Variants in KIRREL3 observed in about 807,000 individuals in gnomAD.
KIRREL3 encodes kirre like nephrin family adhesion molecule 3, also known as kin of IRRE-like protein 3.
KIRREL3 carries 36 observed loss-of-function variants against 89.7 expected under a neutral mutation model. The ratio of observed to expected loss-of-function variants is 0.40; its 90% confidence interval spans 0.31 to 0.53. The LOEUF (loss-of-function observed/expected upper bound fraction) is 0.53, where lower values mean the gene tolerates loss of function less well. Ranked by LOEUF, KIRREL3 falls within the 20% of genes least tolerant of loss-of-function variation. The pLI is 0.49. For missense variants in KIRREL3, 864 were observed against 1,056.6 expected (o/e 0.82, Z 2.53); for synonymous variants, 445 against 441.4 (o/e 1.01, Z -0.10).
At chr11:126,447,034 T>A in intron 8 of KIRREL3, 148 bp from the exon 9 acceptor site, 1 of 998,374 alleles carries the variant, frequency 1.0e-6, no homozygotes. Context: ...CCATTTTAAG[T>A]CTTATGTCCG....
At chr11:126,617,821 A>G (rs1329675763) in intron 1 of KIRREL3, among the ~76,000 whole-genome samples, 1 of 152,228 alleles carries the variant, frequency 6.6e-6, no homozygotes, top group African/African-American at 2.4e-5. Context: ...CTAAGATTTG[A>G]ACTCAGATCT....
chr11:126,975,175 A>C (rs1257416536), intron 1 of KIRREL3, among the ~76,000 whole-genome samples: 8 of 152,174 alleles, frequency 5.3e-5, no homozygotes, highest in Non-Finnish European at 8.8e-5. Flanking sequence ...ACCAACAGCT[A>C]TGTGGCACCT....
At position 126,710,263 on chromosome 11, in the gene KIRREL3, C is replaced by G. The variant is rs1158412572; in HGVS notation, c.56-147351G>C. On this transcript the variant is annotated intron_variant, in intron 1 of 16. Coordinates refer to ENST00000525144, the MANE Select transcript of KIRREL3 (RefSeq NM_032531.4). The surrounding 1 kb of genome is among the most constrained non-coding windows in gnomAD (Gnocchi z 4.2). ...GGAGCAGTGCCTTGTCTTAGGGGGG[C>G]ATGTTCACTGAACTCATGAGGTCAG... Among the ~76,000 whole-genome samples, 1 of 152,174 alleles carries G rather than the reference C, an allele frequency of 6.6e-6. No individual in the cohort carries two copies. Among genetic ancestry groups the G allele is most frequent in the Non-Finnish European group, 1.5e-5 (1 of 68,038 alleles).
Position 126,719,834 on chromosome 11 carries a change from C to T in KIRREL3, c.56-156922G>A, listed in dbSNP as rs978609235. ...TGCATCTGTTGAGGCTCCTGAGAGA[C>T]GCCCTGCTTCTTCCCTGCTTCAGCC... On this transcript the variant is annotated intron_variant, in intron 1 of 16. Coordinates refer to ENST00000525144, the MANE Select transcript of KIRREL3 (RefSeq NM_032531.4). This position sits in a 1 kb window ranked among gnomAD's most constrained non-coding sequence, Gnocchi z 4.7. 2.6e-5 allele frequency among the ~76,000 whole-genome samples: 4 copies of T among 152,204 alleles called. No homozygotes were observed. Among genetic ancestry groups the T allele is most frequent in the East Asian group, 1.9e-4 (1 of 5,204 alleles).
intron 1 of KIRREL3, among the ~76,000 whole-genome samples, chr11:126,572,202 T>C (rs868539473): frequency 2.2e-4 from 34 of 152,276 alleles, no homozygotes; most frequent in Middle Eastern, 6.8e-3. Flanking sequence ...CTGAAGGCAA[T>C]AAGGAGGCAG....
At chr11:126,863,212 G>C (rs1005669543) in intron 1 of KIRREL3, among the ~76,000 whole-genome samples, 1 of 152,222 alleles carries the variant, frequency 6.6e-6, no homozygotes, top group Non-Finnish European at 1.5e-5. Context: ...TGCTACCTGT[G>C]GGGGAAGACT....
rs181563009 is a variant in KIRREL3 at position 126,515,570 on chromosome 11, G to C, written c.433+5745C>G. Reference sequence around the variant, plus strand: ...GGTGAATCTTGACAGCTGAACACAAGTTAGCCAAGGGAAGAAAGGTAGGAA... The same window carrying C: ...GGTGAATCTTGACAGCTGAACACAACTTAGCCAAGGGAAGAAAGGTAGGAA... On this transcript the variant is annotated intron_variant, in intron 4 of 16. Coordinates refer to ENST00000525144, the MANE Select transcript of KIRREL3 (RefSeq NM_032531.4). This position sits in a 1 kb window ranked among gnomAD's most constrained non-coding sequence, Gnocchi z 4.2. 9.2e-5 allele frequency among the ~76,000 whole-genome samples: 14 copies of C among 152,312 alleles called. No homozygotes were observed. In the East Asian group the frequency reaches 2.7e-3, roughly 29 times the overall value.
At chr11:126,604,064 T>TTATCCTTCCTCCCTCCCTTC (rs1942781132) in intron 1 of KIRREL3, among the ~76,000 whole-genome samples, 1 of 152,202 alleles carries the variant, frequency 6.6e-6, no homozygotes, top group African/African-American at 2.4e-5. Flanking sequence ...TTTCTTCCTT[T>TTATCCTTCCTCCCTCCCTTC]TATCCTTCCT....
intron 1 of KIRREL3, among the ~76,000 whole-genome samples, chr11:126,613,893 T>TA (rs1943239385): frequency 8.4e-6 from 1 of 118,644 alleles, no homozygotes; most frequent in Non-Finnish European, 1.7e-5. Context: ...TTTTTTTTTT[T>TA]ATTTTTTTCC....
In KIRREL3 at chr11:126,578,361, G is replaced by A. The variant is rs1482074782; in HGVS notation, c.56-15449C>T. Among the ~76,000 whole-genome samples, 1 of 152,158 alleles carries A rather than the reference G, an allele frequency of 6.6e-6. No homozygotes were observed. The highest frequency in any genetic ancestry group is 1.5e-5 in the Non-Finnish European group (1 of 68,034). ...ACAAAGAAAGAGGAGGGCAAAATGGGAATTCATTGGAAGAGATCCTTGGTT... is the reference window on the plus strand; with the variant it reads ...ACAAAGAAAGAGGAGGGCAAAATGGAAATTCATTGGAAGAGATCCTTGGTT... On this transcript the variant is annotated intron_variant, in intron 1 of 16. Coordinates refer to ENST00000525144, the MANE Select transcript of KIRREL3 (RefSeq NM_032531.4). The surrounding 1 kb of genome is among the most constrained non-coding windows in gnomAD (Gnocchi z 4.9).
In KIRREL3 at chr11:126,566,424, G is replaced by A. The variant is rs1940524482; in HGVS notation, c.56-3512C>T. Among the ~76,000 whole-genome samples the A allele has an allele frequency of 2.0e-5, 3 of 152,202 alleles. No homozygotes were observed. In the East Asian group the frequency reaches 5.8e-4, roughly 29 times the overall value. On this transcript the variant is annotated intron_variant, in intron 1 of 16. Transcript: ENST00000525144. This position sits in a 1 kb window ranked among gnomAD's most constrained non-coding sequence, Gnocchi z 4.9. ...GCCCGTAGGACCAAGCACAGTGCCT[G>A]ACACATGGTAAGTGCTCAGGAACAG...
At chr11:126,695,433 A>C (rs950796322) in intron 1 of KIRREL3, among the ~76,000 whole-genome samples, 2 of 137,156 alleles carry the variant, frequency 1.5e-5, no homozygotes, top group African/African-American at 5.4e-5. Flanking sequence ...AAAAAAAAAG[A>C]GTCTCTAAGT....
chr11:126,670,798 A>C (rs568983643), intron 1 of KIRREL3, among the ~76,000 whole-genome samples: 2 of 152,350 alleles, frequency 1.3e-5, no homozygotes, highest in South Asian at 4.1e-4. Context: ...TAATCTCAGG[A>C]AGTGATTTTG....
Position 126,704,420 on chromosome 11 carries a change from C to T in KIRREL3, c.56-141508G>A, listed in dbSNP as rs1346651830. On this transcript the variant is annotated intron_variant, in intron 1 of 16. Coordinates refer to ENST00000525144, the MANE Select transcript of KIRREL3 (RefSeq NM_032531.4). This position sits in a 1 kb window ranked among gnomAD's most constrained non-coding sequence, Gnocchi z 4.2. ...TAGCAGAACAGAGGCTTGCAAAAGACTGCAGCAACCAGCCCCAGCTGGCTG... is the reference window on the plus strand; with the variant it reads ...TAGCAGAACAGAGGCTTGCAAAAGATTGCAGCAACCAGCCCCAGCTGGCTG... 6.6e-6 allele frequency among the ~76,000 whole-genome samples: 1 copy of T among 152,316 alleles called. No individual in the cohort carries two copies. Among genetic ancestry groups the T allele is most frequent in the South Asian group, 2.1e-4 (1 of 4,824 alleles).
Position 126,606,316 on chromosome 11 carries a change from C to A in KIRREL3, c.56-43404G>T, listed in dbSNP as rs925764385. Among the ~76,000 whole-genome samples, 2 of 152,154 alleles carry A rather than the reference C, an allele frequency of 1.3e-5. No homozygotes were observed. The highest frequency in any genetic ancestry group is 2.9e-5 in the Non-Finnish European group (2 of 68,042). On this transcript the variant is annotated intron_variant, in intron 1 of 16. Coordinates refer to ENST00000525144, the MANE Select transcript of KIRREL3 (RefSeq NM_032531.4). This position sits in a 1 kb window ranked among gnomAD's most constrained non-coding sequence, Gnocchi z 4.6. The stretch of plus-strand genomic sequence containing the variant: ...GGATTTCGGGTGTATCACTTACTAG[C>A]TGTGTCACTCTGGAGAATTTATGTA...
At chr11:126,889,285 G>A (rs1329805358) in intron 1 of KIRREL3, among the ~76,000 whole-genome samples, 1 of 143,000 alleles carries the variant, frequency 7.0e-6, no homozygotes, top group East Asian at 2.1e-4. Context: ...AGACTAGTTT[G>A]CCTTTTTAAA....
intron 1 of KIRREL3, among the ~76,000 whole-genome samples, chr11:126,629,278 C>T (rs1475204437): frequency 6.6e-6 from 1 of 152,156 alleles, no homozygotes; most frequent in African/African-American, 2.4e-5. Flanking sequence ...GTGCTGCCTG[C>T]AGCCAAGCAG....
At position 126,527,769 on chromosome 11, in the gene KIRREL3, C is replaced by A. The variant is rs576273846; in HGVS notation, c.134-1082G>T. Among the ~76,000 whole-genome samples, 1 of 152,024 alleles carries A rather than the reference C, an allele frequency of 6.6e-6. No individual in the cohort carries two copies. Among genetic ancestry groups the A allele is most frequent in the African/African-American group, 2.4e-5 (1 of 41,394 alleles). ...CTAGTGGGAGTTGGGGTGGGTGGTG[C>A]GGTGAATCCAAGTCTTTCTGGCTCT... On this transcript the variant is annotated intron_variant, in intron 2 of 16. Transcript: ENST00000525144. This position sits in a 1 kb window ranked among gnomAD's most constrained non-coding sequence, Gnocchi z 4.2.
rs975841077 is a variant in KIRREL3, at chr11:126,795,913, G to A, written c.55+204542C>T. Among the ~76,000 whole-genome samples the A allele has an allele frequency of 2.0e-5, 3 of 152,106 alleles. No homozygotes were observed. The highest frequency in any genetic ancestry group is 6.6e-5 in the Admixed American group (1 of 15,264). ...CAGGCTCGTCCTCACCCTGGGTAAA[G>A]GCTCATGCAGGCATTGGGAAAAGCA... On this transcript the variant is annotated intron_variant, in intron 1 of 16. Coordinates refer to ENST00000525144, the MANE Select transcript of KIRREL3 (RefSeq NM_032531.4). This position sits in a 1 kb window ranked among gnomAD's most constrained non-coding sequence, Gnocchi z 4.1.
Sources: allele counts gnomAD v4.1 joint callset (sites outside exome capture counted in the v4.1 genomes callset), GRCh38; gene constraint gnomAD v4.1.1; non-coding constraint Gnocchi (gnomAD v3.1); transcripts MANE v1.5; gene names NCBI Gene and HGNC (gene_info 2026-07-23, HGNC 2026-07-21).